Variants in DPYSL2 observed in about 807,000 individuals in gnomAD.
DPYSL2 encodes the protein dihydropyrimidinase like 2.
DPYSL2 carries 13 observed loss-of-function variants against 69.9 expected under a neutral mutation model. The observed-to-expected ratio is 0.19, with a 90% CI of 0.12 to 0.30. The LOEUF is 0.30. DPYSL2 is among the 10% of genes least tolerant of loss of function. The pLI is 1.00. For missense variants in DPYSL2, 587 were observed against 918.9 expected, an observed-to-expected ratio of 0.64 and a Z score of 4.67; for synonymous variants, 326 against 359.1, an observed-to-expected ratio of 0.91 and a Z score of 1.04.
intron 3 of DPYSL2, among the ~76,000 whole-genome samples, chr8:26,592,477 T>G (rs202003553): frequency 8.3e-4 from 18 of 21,634 alleles, no homozygotes; most frequent in Middle Eastern, 0.031. Flanking sequence ...TTTTTTTTTG[T>G]TTTTTTTTTT....
intron 1 of DPYSL2, among the ~76,000 whole-genome samples, chr8:26,563,080 C>T (rs1202040688): frequency 6.6e-6 from 1 of 152,152 alleles, no homozygotes; most frequent in African/African-American, 2.4e-5. Flanking sequence ...CTGTCATACT[C>T]TACTTGTTAA....
intron 2 of DPYSL2, among the ~76,000 whole-genome samples, chr8:26,583,070 A>C (rs1801523885): frequency 6.6e-6 from 1 of 152,216 alleles, no homozygotes; most frequent in Admixed American, 6.5e-5. Context: ...AGAAGTGTGC[A>C]GGCCTGTGTG....
intron 1 of DPYSL2, among the ~76,000 whole-genome samples, chr8:26,555,889 T>C (rs1253380199): frequency 1.4e-5 from 2 of 141,718 alleles, no homozygotes; most frequent in African/African-American, 5.3e-5. Flanking sequence ...TACTTGTATA[T>C]GTAGTACTTG....
intron 1 of DPYSL2, among the ~76,000 whole-genome samples, chr8:26,557,739 A>G (rs1204643192): frequency 3.3e-5 from 5 of 151,744 alleles, no homozygotes; most frequent in Non-Finnish European, 7.4e-5. Flanking sequence ...TAGTGAGCCA[A>G]GATCACACCA....
Position 26,654,288 on chromosome 8 carries a change from G to T in DPYSL2, c.1942+891G>T, listed in dbSNP as rs1803337466. On this transcript the variant is annotated intron_variant, in intron 13 of 13. Coordinates refer to ENST00000521913, the MANE Select transcript of DPYSL2 (RefSeq NM_001197293.3). The surrounding 1 kb of genome is among the most constrained non-coding windows in gnomAD (Gnocchi z 5.0). ...GATATCCCCTTGGTGAGAGGAAAGG[G>T]TTCAGATTTTTAAGTTTCCTTGCTT... Among the ~76,000 whole-genome samples the T allele has an allele frequency of 6.6e-6, 1 of 152,166 alleles. No homozygotes were observed. The highest frequency in any genetic ancestry group is 6.5e-5 in the Admixed American group (1 of 15,286).
At chr8:26,602,546 T>C (rs62491924) in intron 3 of DPYSL2, among the ~76,000 whole-genome samples, 25,098 of 152,192 alleles carry the variant, frequency 0.16, 2,198 homozygotes, top group Middle Eastern at 0.21. Flanking sequence ...GTCACCTTCA[T>C]GGCACCATCA....
At chr8:26,581,791 A>G (rs1269572717) in intron 1 of DPYSL2, among the ~76,000 whole-genome samples, 178 bp from the exon 2 acceptor site, 1 of 151,986 alleles carries the variant, frequency 6.6e-6, no homozygotes, top group Admixed American at 6.6e-5. Flanking sequence ...GTTCTGACTC[A>G]TCAGGTGATG....
rs567613437 is a variant in DPYSL2 at position 26,648,834 on chromosome 8, T to G, written c.1596+1034T>G. ...GCTGCAATGGGCTCAGGCTCAGCTC[T>G]GGCTTCTGCCACCTGTGAGGACCAG... On this transcript the variant is annotated intron_variant, in intron 11 of 13. Transcript: ENST00000521913. This position sits in a 1 kb window ranked among gnomAD's most constrained non-coding sequence, Gnocchi z 4.3. 6.8e-4 allele frequency among the ~76,000 whole-genome samples: 103 copies of G among 152,352 alleles called. 1 individual carries two copies. The highest frequency in any genetic ancestry group is 3.4e-3 in the Middle Eastern group (1 of 294).
At position 26,624,455 on chromosome 8, in the gene DPYSL2, G is replaced by C; in HGVS notation, c.793+148G>C. 9.8e-7 allele frequency: 1 copy of C among 1,024,850 alleles called. No individual in the cohort carries two copies. Among genetic ancestry groups the C allele is most frequent in the Non-Finnish European group, 1.4e-6 (1 of 705,222 alleles). 63.5% of individuals were successfully genotyped at this position (1,024,850 alleles called of 1,614,324 possible). On this transcript the variant is annotated intron_variant, in intron 4 of 13. Transcript: ENST00000521913. The surrounding 1 kb of genome is among the most constrained non-coding windows in gnomAD (Gnocchi z 4.7). ...CCCTGGGAAGGAGAGAGGGCTTTGG[G>C]CCGCAGCTTATGCTGTTTGGAGGTG...
chr8:26,535,637 T>TATATATATATATATATA (rs199796205), intron 1 of DPYSL2, among the ~76,000 whole-genome samples: 1 of 144,126 alleles, frequency 6.9e-6, no homozygotes, highest in African/African-American at 2.6e-5. Flanking sequence ...ATATATATAT[T>TATATATATATATATATA]TTTTTTTTCA....
chr8:26,575,855 G>GT (rs1245929448), intron 1 of DPYSL2, among the ~76,000 whole-genome samples: 5 of 152,274 alleles, frequency 3.3e-5, no homozygotes, highest in South Asian at 2.1e-4. Flanking sequence ...TTGCCAAGTA[G>GT]TTTTTTTGTG....
At chr8:26,548,367 G>C in intron 1 of DPYSL2, 1 of 253,476 alleles carries the variant, frequency 3.9e-6, no homozygotes, top group Admixed American at 4.5e-5. Flanking sequence ...GGAGAAAATT[G>C]TTAACCCAAA....
At chr8:26,602,800 A>G (rs771454540) in intron 3 of DPYSL2, among the ~76,000 whole-genome samples, 3 of 152,244 alleles carry the variant, frequency 2.0e-5, no homozygotes, top group Non-Finnish European at 2.9e-5. Flanking sequence ...TACAAAGAAA[A>G]GATGAAAATG....
Position 26,647,952 on chromosome 8 carries a change from G to A in DPYSL2, c.1596+152G>A. 1.1e-6 allele frequency: 1 copy of A among 943,330 alleles called. No homozygotes were observed. The highest frequency in any genetic ancestry group is 1.5e-6 in the Non-Finnish European group (1 of 651,154). 58.4% of individuals were successfully genotyped at this position (943,330 alleles called of 1,614,324 possible). A position where few individuals can be genotyped will look rare whatever the true frequency, so the allele number is the denominator to read the frequency against. On this transcript the variant is annotated intron_variant, in intron 11 of 13. Transcript: ENST00000521913. The surrounding 1 kb of genome is among the most constrained non-coding windows in gnomAD (Gnocchi z 5.1). Reference sequence around the variant, plus strand: ...TATGATTTGCAATTTGCTGGGAAAAGAATAGTTATTTCATTTTCTTTAGTG... The same window carrying A: ...TATGATTTGCAATTTGCTGGGAAAAAAATAGTTATTTCATTTTCTTTAGTG...
Position 26,626,389 on chromosome 8 carries a change from C to T in DPYSL2, c.794-228C>T, listed in dbSNP as rs1394668161. On this transcript the variant is annotated intron_variant, in intron 4 of 13. Coordinates refer to ENST00000521913, the MANE Select transcript of DPYSL2 (RefSeq NM_001197293.3). This position sits in a 1 kb window ranked among gnomAD's most constrained non-coding sequence, Gnocchi z 4.3. ...AATACTAAAAAGCATCCTTGTGCCT[C>T]TTCCTCCCACATTCACAGGTTATTT... 1.3e-5 allele frequency among the ~76,000 whole-genome samples: 2 copies of T among 152,062 alleles called. No homozygotes were observed. Among genetic ancestry groups the T allele is most frequent in the African/African-American group, 4.8e-5 (2 of 41,384 alleles).
intron 1 of DPYSL2, chr8:26,577,803 G>GCCCCA (rs1441001657): frequency 3.0e-5 from 30 of 992,422 alleles, no homozygotes; most frequent in Non-Finnish European, 3.5e-5. Flanking sequence ...GCCGCGCCCC[G>GCCCCA]CCCCACCGGC....
intron 3 of DPYSL2, among the ~76,000 whole-genome samples, chr8:26,615,697 A>G (rs1198575114): frequency 2.0e-5 from 3 of 152,176 alleles, no homozygotes; most frequent in Non-Finnish European, 4.4e-5. Flanking sequence ...AGTGCCTCTT[A>G]TAGCTTACAA....
At chr8:26,583,560 C>T (rs1801534457) in intron 2 of DPYSL2, among the ~76,000 whole-genome samples, 2 of 152,124 alleles carry the variant, frequency 1.3e-5, no homozygotes, top group Non-Finnish European at 2.9e-5. Context: ...TTCTTGGGAA[C>T]AAAACGTCTT....
At chr8:26,623,265 A>T (rs2129900806) in intron 3 of DPYSL2, among the ~76,000 whole-genome samples, 1 of 152,340 alleles carries the variant, frequency 6.6e-6, no homozygotes, top group East Asian at 1.9e-4. Context: ...GGCCAGGGCC[A>T]CACTGGTTGG....
Sources: allele counts gnomAD v4.1 joint callset (sites outside exome capture counted in the v4.1 genomes callset), GRCh38; gene constraint gnomAD v4.1.1; non-coding constraint Gnocchi (gnomAD v3.1); transcripts MANE v1.5; gene names NCBI Gene and HGNC (gene_info 2026-07-23, HGNC 2026-07-21).